PRR16: variants seen among roughly 807,000 people sequenced by gnomAD.
The protein encoded by PRR16 is proline rich 16, also known as protein Largen.
PRR16 carries 6 observed loss-of-function variants against 18.2 expected under a neutral mutation model. The ratio of observed to expected loss-of-function variants is 0.33; its 90% CI spans 0.18 to 0.65. The LOEUF is 0.65. Among genes scored for constraint, PRR16 ranks in the 30% least tolerant of loss-of-function variants. The pLI, the probability that PRR16 is intolerant of heterozygous loss-of-function variation, is 0.74. For synonymous variants in PRR16, 151 were observed against 147.8 expected (o/e 1.02, Z -0.16); for missense variants, 412 against 376.6 (o/e 1.09, Z -0.78).
the PRR16 span, among the ~76,000 whole-genome samples, chr5:120,699,613 G>T: frequency 6.6e-6 from 1 of 152,208 alleles, no homozygotes; most frequent in Non-Finnish European, 1.5e-5. Flanking sequence ...ACTGTAGAGA[G>T]TGAGTTGAGC....
the PRR16 span, among the ~76,000 whole-genome samples, chr5:120,786,120 A>G: frequency 2.0e-5 from 3 of 149,752 alleles, no homozygotes; most frequent in South Asian, 2.1e-4. Flanking sequence ...GGTTAAATGC[A>G]TACCTGTTAT....
At chr5:120,650,427 A>G (rs1370807646) in intron 1 of PRR16, among the ~76,000 whole-genome samples, 1 of 151,138 alleles carries the variant, frequency 6.6e-6, no homozygotes, top group Admixed American at 6.6e-5. Flanking sequence ...TGCTGCACCC[A>G]GTAACTCATC....
intron 1 of PRR16, among the ~76,000 whole-genome samples, chr5:120,646,822 A>T (rs1193615853): frequency 6.6e-6 from 1 of 152,052 alleles, no homozygotes; most frequent in Non-Finnish European, 1.5e-5. Context: ...AATTATAAAT[A>T]AATAGGAAAG....
At chr5:120,555,916 T>C (rs1346791436) in intron 1 of PRR16, among the ~76,000 whole-genome samples, 1 of 151,694 alleles carries the variant, frequency 6.6e-6, no homozygotes, top group Non-Finnish European at 1.5e-5. Context: ...CACCTTTATG[T>C]TTTCATCTTG....
At chr5:120,466,341 T>C (rs1749079303) in intron 1 of PRR16, among the ~76,000 whole-genome samples, 5 of 152,346 alleles carry the variant, frequency 3.3e-5, no homozygotes, top group Middle Eastern at 3.4e-3. Context: ...AGAATTGTGC[T>C]TAATAGTTGG....
chr5:120,703,362 T>C, the PRR16 span, among the ~76,000 whole-genome samples: 34 of 152,232 alleles, frequency 2.2e-4, no homozygotes, highest in African/African-American at 8.2e-4. Flanking sequence ...GGCGTATACG[T>C]GCAAGTCACA....
intron 1 of PRR16, among the ~76,000 whole-genome samples, chr5:120,485,647 TA>T (rs773014416): frequency 6.6e-5 from 10 of 152,226 alleles, no homozygotes; most frequent in East Asian, 1.9e-4. Context: ...TAGATTTAGT[TA>T]TTTTTTTTTT....
chr5:120,713,819 A>G, the PRR16 span, among the ~76,000 whole-genome samples: 1 of 152,204 alleles, frequency 6.6e-6, no homozygotes, highest in Admixed American at 6.5e-5. Context: ...AATATGTAAT[A>G]GTACAATTAA....
At chr5:120,730,260 G>A in the PRR16 span, among the ~76,000 whole-genome samples, 1 of 152,078 alleles carries the variant, frequency 6.6e-6, no homozygotes, top group Non-Finnish European at 1.5e-5. Context: ...GAATTCTCAG[G>A]CTTTTAAGGT....
chr5:120,597,283 A>G (rs1753845504), intron 1 of PRR16, among the ~76,000 whole-genome samples: 1 of 151,606 alleles, frequency 6.6e-6, no homozygotes, highest in Non-Finnish European at 1.5e-5. Flanking sequence ...TATAATTTAC[A>G]GTAAAAATTT....
chr5:120,561,149 C>G (rs1422637656), intron 1 of PRR16, among the ~76,000 whole-genome samples: 1 of 151,576 alleles, frequency 6.6e-6, no homozygotes, highest in Non-Finnish European at 1.5e-5. Context: ...TCCTTTTTCT[C>G]TACTAATTTT....
the PRR16 span, among the ~76,000 whole-genome samples, chr5:120,753,995 AT>A: frequency 5.8e-5 from 7 of 120,478 alleles, no homozygotes; most frequent in South Asian, 2.3e-4. Context: ...TATAACATAT[AT>A]AATATATATA....
At chr5:120,487,733 A>G (rs550854460) in intron 1 of PRR16, among the ~76,000 whole-genome samples, 121 of 152,294 alleles carry the variant, frequency 7.9e-4, no homozygotes, top group African/African-American at 2.8e-3. Context: ...GCCAGTTTTC[A>G]AAGGGAATGC....
At chr5:120,467,769 A>G (rs1242423869) in intron 1 of PRR16, among the ~76,000 whole-genome samples, 2 of 152,194 alleles carry the variant, frequency 1.3e-5, no homozygotes, top group Non-Finnish European at 2.9e-5. Context: ...GTCAAAGAGC[A>G]GCCTTATTCT....
At chr5:120,587,254 G>A (rs1753479271) in intron 1 of PRR16, among the ~76,000 whole-genome samples, 1 of 152,192 alleles carries the variant, frequency 6.6e-6, no homozygotes, top group Admixed American at 6.6e-5. Flanking sequence ...TAAAGCAGCA[G>A]CAGATGATGG....
chr5:120,495,633 T>A (rs1014579532), intron 1 of PRR16, among the ~76,000 whole-genome samples: 12 of 152,068 alleles, frequency 7.9e-5, no homozygotes, highest in Non-Finnish European at 1.6e-4. Context: ...CTGACTGTAG[T>A]ATGTTATTTT....
intron 1 of PRR16, among the ~76,000 whole-genome samples, chr5:120,627,192 A>G (rs1754895464): frequency 6.6e-6 from 1 of 152,152 alleles, no homozygotes; most frequent in Non-Finnish European, 1.5e-5. Flanking sequence ...ACAGTCATAC[A>G]GGGATTAAGC....
chr5:120,765,261 AAGAG>A, the PRR16 span, among the ~76,000 whole-genome samples: 1 of 152,062 alleles, frequency 6.6e-6, no homozygotes, highest in African/African-American at 2.4e-5. Context: ...ATGATGTTTA[AAGAG>A]AGACAGTGTA....
chr5:120,782,495 G>C, the PRR16 span, among the ~76,000 whole-genome samples: 3 of 152,196 alleles, frequency 2.0e-5, no homozygotes, highest in East Asian at 1.9e-4. Flanking sequence ...CTCGGGGTTG[G>C]TTCCACATTT....
Sources: allele counts gnomAD v4.1 joint callset (sites outside exome capture counted in the v4.1 genomes callset), GRCh38; gene constraint gnomAD v4.1.1; transcripts MANE v1.5; gene names NCBI Gene and HGNC (gene_info 2026-07-23, HGNC 2026-07-21).